The following SOBP variants were observed in gnomAD, a reference collection of about 807,000 sequenced individuals.
SOBP encodes sine oculis binding protein homolog.
A neutral mutation model predicts 53.6 loss-of-function variants in SOBP; 4 were observed. The observed-to-expected ratio is 0.07, with a 90% CI of 0.04 to 0.17. The LOEUF is 0.17. Ranked by LOEUF, SOBP falls within the 10% of genes least tolerant of loss-of-function variation. The pLI, the probability that SOBP is intolerant of heterozygous loss-of-function variation, is 1.00. For missense variants in SOBP, 1,088 were observed against 1,204.7 expected, an observed-to-expected ratio of 0.90 and a Z score of 1.43; for synonymous variants, 584 against 522.6, an observed-to-expected ratio of 1.12 and a Z score of -1.60.
chr6:107,650,881 T>C (rs1466510806), intron 6 of SOBP, among the ~76,000 whole-genome samples: 2 of 152,200 alleles, frequency 1.3e-5, no homozygotes, highest in Admixed American at 6.5e-5. Flanking sequence ...GAGGAAGGCA[T>C]ATTGAAAGCC....
intron 6 of SOBP, among the ~76,000 whole-genome samples, chr6:107,646,812 G>A (rs752936694): frequency 3.3e-5 from 5 of 152,210 alleles, no homozygotes; most frequent in Non-Finnish European, 7.3e-5. Context: ...TGGTTTAGTG[G>A]AAAAGAATAT....
intron 3 of SOBP, among the ~76,000 whole-genome samples, chr6:107,527,617 T>C (rs1783701572): frequency 6.6e-6 from 1 of 152,210 alleles, no homozygotes; most frequent in South Asian, 2.1e-4. Flanking sequence ...ACCGAAGCCA[T>C]AGTTAGGGTG....
chr6:107,521,651 T>C (rs558767411), intron 3 of SOBP, among the ~76,000 whole-genome samples: 4 of 152,314 alleles, frequency 2.6e-5, no homozygotes, highest in Admixed American at 2.0e-4. Context: ...TATGAATAAA[T>C]GCTGCCATGA....
intron 4 of SOBP, among the ~76,000 whole-genome samples, chr6:107,537,425 T>G (rs1184786135): frequency 6.6e-6 from 1 of 152,252 alleles, no homozygotes; most frequent in Non-Finnish European, 1.5e-5. Flanking sequence ...TGTTCGGATC[T>G]CAAGTTTTTA....
intron 3 of SOBP, among the ~76,000 whole-genome samples, chr6:107,526,969 T>C (rs1253086191): frequency 2.3e-4 from 35 of 152,256 alleles, no homozygotes; most frequent in Admixed American, 2.3e-3. Context: ...AAATTAGGGA[T>C]AATTTTAGGT....
At chr6:107,562,459 G>A (rs891627770) in intron 4 of SOBP, among the ~76,000 whole-genome samples, 2 of 152,180 alleles carry the variant, frequency 1.3e-5, no homozygotes, top group East Asian at 1.9e-4. Flanking sequence ...GACTATGGGC[G>A]GCAGCATATT....
At chr6:107,560,985 A>G (rs1293991248) in intron 4 of SOBP, among the ~76,000 whole-genome samples, 1 of 152,204 alleles carries the variant, frequency 6.6e-6, no homozygotes, top group Non-Finnish European at 1.5e-5. Flanking sequence ...TTTCAGTTTC[A>G]TAAACACTTC....
At chr6:107,494,079 T>A (rs1782642264) in intron 1 of SOBP, among the ~76,000 whole-genome samples, 1 of 152,260 alleles carries the variant, frequency 6.6e-6, no homozygotes, top group African/African-American at 2.4e-5. Flanking sequence ...TTTCTTTATC[T>A]TTCCTTTTCT....
At chr6:107,630,520 T>C (rs1770660201) in intron 5 of SOBP, among the ~76,000 whole-genome samples, 1 of 152,210 alleles carries the variant, frequency 6.6e-6, no homozygotes, top group Admixed American at 6.5e-5. Flanking sequence ...TGAATGATAG[T>C]ACCGTGTTTT....
At chr6:107,574,321 A>G (rs201932184) in intron 4 of SOBP, among the ~76,000 whole-genome samples, 1 of 152,204 alleles carries the variant, frequency 6.6e-6, no homozygotes, top group Admixed American at 6.5e-5. Context: ...CCCTTTTACT[A>G]TTTTCCACAT....
chr6:107,506,340 A>T lies in SOBP; in HGVS notation c.334A>T (p.Ser112Cys). Reference sequence around the variant, plus strand: ...AGGGCTTGCCACTGGAAATGGACTCAGTGACTCACCTGCAGGGTCAAAGGA... The same window carrying T: ...AGGGCTTGCCACTGGAAATGGACTCTGTGACTCACCTGCAGGGTCAAAGGA... The part of the protein sequence containing the change: ...YSGLATGNGL[S>C]DSPAGSKDHG... The change falls in exon 3 of 7, where the codon AGT becomes TGT. Residue 112 changes from serine to cysteine, a missense_variant. This residue lies in a region of SOBP where 112 missense variants were observed against 117.9 expected (regional missense o/e 0.95). Transcript: ENST00000317357. 6.2e-7 allele frequency: 1 copy of T among 1,614,248 alleles called. No homozygotes were observed. The highest frequency in any genetic ancestry group is 8.5e-7 in the Non-Finnish European group (1 of 1,180,042).
At chr6:107,535,672 C>G (rs1012107440) in intron 4 of SOBP, among the ~76,000 whole-genome samples, 2 of 148,356 alleles carry the variant, frequency 1.3e-5, no homozygotes, top group African/African-American at 5.0e-5. Flanking sequence ...ATAAACTAGT[C>G]TATCATTTGT....
intron 1 of SOBP, among the ~76,000 whole-genome samples, chr6:107,492,645 A>C (rs2114930038): frequency 6.6e-6 from 1 of 152,312 alleles, no homozygotes; most frequent in African/African-American, 2.4e-5. Context: ...GTGAAGGGGA[A>C]AAATTACACA....
chr6:107,574,858 C>G (rs1015557868), intron 4 of SOBP, among the ~76,000 whole-genome samples: 1 of 152,162 alleles, frequency 6.6e-6, no homozygotes, highest in African/African-American at 2.4e-5. Flanking sequence ...CCTCACCACC[C>G]CTCCGTTTCA....
chr6:107,506,310 T>C lies in SOBP; in HGVS notation c.304T>C (p.Tyr102His), dbSNP rs1194410468. The change falls in exon 3 of 7, where the codon TAT becomes CAT. Residue 102 changes from tyrosine (Y) to histidine (H), a missense_variant. Transcript: ENST00000317357. The stretch of plus-strand genomic sequence containing the variant: ...TTCACCATACAATATAAGCACAGGC[T>C]ATTCAGGGCTTGCCACTGGAAATGG... The part of the protein sequence containing the change: ...VISPYNISTG[Y>H]SGLATGNGLS... 3.7e-6 allele frequency: 6 copies of C among 1,614,098 alleles called. No individual in the cohort carries two copies. In the African/African-American group the frequency reaches 8.0e-5, roughly 22 times the overall value.
chr6:107,633,615 A>G lies in SOBP; in HGVS notation c.771A>G (p.Gln257=). ...LQFCSAKCLN[Q]YKMDIFYKET... Reference sequence around the variant, plus strand: ...TCTGCAGTGCAAAATGTCTCAATCAATACAAAATGGACATTTTCTACAAAG... The same window carrying G: ...TCTGCAGTGCAAAATGTCTCAATCAGTACAAAATGGACATTTTCTACAAAG... Residue 257 remains glutamine (Q), a synonymous_variant, in exon 6 of 7, where the codon CAA becomes CAG. Coordinates refer to ENST00000317357, the MANE Select transcript of SOBP (RefSeq NM_018013.4). 6.2e-7 allele frequency: 1 copy of G among 1,614,240 alleles called. No homozygotes were observed. The highest frequency in any genetic ancestry group is 8.5e-7 in the Non-Finnish European group (1 of 1,180,046).
intron 5 of SOBP, among the ~76,000 whole-genome samples, chr6:107,595,274 A>G (rs1026751609): frequency 8.6e-5 from 13 of 151,840 alleles, no homozygotes; most frequent in African/African-American, 2.2e-4. Context: ...GCTGTAGACT[A>G]TAGAAAATAT....
At chr6:107,611,416 G>GT (rs1786594462) in intron 5 of SOBP, among the ~76,000 whole-genome samples, 1 of 152,222 alleles carries the variant, frequency 6.6e-6, no homozygotes, top group South Asian at 2.1e-4. Context: ...TTTAGCAGGA[G>GT]TAAGAGTGCA....
chr6:107,635,305 C>G lies in SOBP; in HGVS notation c.2461C>G (p.Leu821Val). 6.2e-7 allele frequency: 1 copy of G among 1,613,856 alleles called. No homozygotes were observed. The highest frequency in any genetic ancestry group is 8.5e-7 in the Non-Finnish European group (1 of 1,180,008). The change falls in exon 6 of 7, where the codon CTG (leucine) becomes GTG (valine). Residue 821 changes from leucine (L) to valine (V), a missense_variant. Coordinates refer to ENST00000317357, the MANE Select transcript of SOBP (RefSeq NM_018013.4). This position sits in a 1 kb window ranked among gnomAD's most constrained non-coding sequence, Gnocchi z 4.5. Reference sequence around the variant, plus strand: ...GGACCATGCCTATGCTCTGCGGATGCTGCCCAAGACCGGCTGCGTGATCCA... The same window carrying G: ...GGACCATGCCTATGCTCTGCGGATGGTGCCCAAGACCGGCTGCGTGATCCA... ...DEDHAYALRM[L>V]PKTGCVIQPV...
Sources: allele counts gnomAD v4.1 joint callset (sites outside exome capture counted in the v4.1 genomes callset), GRCh38; gene constraint gnomAD v4.1.1; regional missense constraint gnomAD v4.1.1; non-coding constraint Gnocchi (gnomAD v3.1); transcripts MANE v1.5; gene names NCBI Gene and HGNC (gene_info 2026-07-23, HGNC 2026-07-21).